PIGH: variants seen among roughly 807,000 people sequenced by gnomAD.
The protein encoded by PIGH is phosphatidylinositol N-acetylglucosaminyltransferase subunit H.
In PIGH, 11 loss-of-function variants were observed where a neutral mutation model predicts 20.1. The observed-to-expected ratio is 0.55, with a 90% CI of 0.34 to 0.91. The LOEUF (loss-of-function observed/expected upper bound fraction) is 0.91, where lower values mean the gene tolerates loss of function less well. PIGH is among the 40% of genes least tolerant of loss of function. PIGH has a pLI of 0.02. For synonymous variants in PIGH, 72 were observed against 93.1 expected (o/e 0.77, Z 1.31); for missense variants, 189 against 233.6 (o/e 0.81, Z 1.24).
chr14:67,594,068 T>A (rs1198482521), intron 1 of PIGH, 116 bp from the exon 2 acceptor site: 2 of 677,110 alleles, frequency 3.0e-6, no homozygotes, highest in East Asian at 5.4e-5. Context: ...GGTTCTAAGG[T>A]GCTATGAAAG....
At chr14:67,595,174 A>G (rs2036450591) in intron 1 of PIGH, among the ~76,000 whole-genome samples, 1 of 152,210 alleles carries the variant, frequency 6.6e-6, no homozygotes, top group South Asian at 2.1e-4. Flanking sequence ...AAGAACACTT[A>G]CATTAGCCTA....
intron 1 of PIGH, among the ~76,000 whole-genome samples, chr14:67,595,018 T>C (rs1167888759): frequency 2.0e-5 from 3 of 151,816 alleles, no homozygotes; most frequent in African/African-American, 7.3e-5. Context: ...GCACCTGTAG[T>C]CCCAGCTACT....
At chr14:67,590,729 G>C (rs921180977) in intron 3 of PIGH, among the ~76,000 whole-genome samples, 2 of 152,200 alleles carry the variant, frequency 1.3e-5, no homozygotes, top group African/African-American at 4.8e-5. Context: ...ATGGAGTTAA[G>C]AAGTTTAGGC....
chr14:67,593,978 G>T, intron 1 of PIGH, 26 bp from the exon 2 acceptor site: 1 of 1,509,278 alleles, frequency 6.6e-7, no homozygotes, highest in Admixed American at 1.8e-5. Context: ...GACACAGACA[G>T]TAAGATTACC....
At chr14:67,591,100 GATACAA>G (rs1167710914) in intron 3 of PIGH, among the ~76,000 whole-genome samples, 5 of 151,918 alleles carry the variant, frequency 3.3e-5, no homozygotes. Context: ...TATAAAAATA[GATACAA>G]ATACATAATA....
rs184592659 is a variant in PIGH at position 67,589,668 on chromosome 14, T to A, written c.*412A>T. The A allele has an allele frequency of 3.2e-3, 3,126 of 990,634 alleles. 1 individual carries two copies. The highest frequency in any genetic ancestry group is 6.7e-3 in the South Asian group (146 of 21,678). 61.4% of individuals were successfully genotyped at this position (990,634 alleles called of 1,614,324 possible). On this transcript the variant is annotated 3_prime_UTR_variant, in exon 4 of 4. Coordinates refer to ENST00000216452, the MANE Select transcript of PIGH (RefSeq NM_004569.5). The stretch of plus-strand genomic sequence containing the variant: ...CTAACCAGTACTGAAGGGCTTGTTT[T>A]TTTCGTAACTTTACACAAGGGGTAC...
At chr14:67,598,395 A>G (rs910125974) in intron 1 of PIGH, among the ~76,000 whole-genome samples, 7 of 152,216 alleles carry the variant, frequency 4.6e-5, no homozygotes, top group African/African-American at 1.4e-4. Context: ...AATGGTATAA[A>G]GGAAAAGAAA....
chr14:67,592,774 T>C, intron 2 of PIGH, 56 bp from the exon 3 acceptor site: 1 of 1,066,932 alleles, frequency 9.4e-7, no homozygotes, highest in Non-Finnish European at 1.4e-6. Flanking sequence ...TTGCATTCTT[T>C]TTTTCTTTTT....
chr14:67,595,131 C>T (rs1482101757), intron 1 of PIGH, among the ~76,000 whole-genome samples: 2 of 96,864 alleles, frequency 2.1e-5, no homozygotes, highest in African/African-American at 6.2e-5. Flanking sequence ...AGCGAGACTC[C>T]GTCTAAAAAA....
chr14:67,596,331 G>A (rs889551311), intron 1 of PIGH, among the ~76,000 whole-genome samples: 24 of 124,100 alleles, frequency 1.9e-4, no homozygotes, highest in Non-Finnish European at 2.5e-4. Context: ...AGTAGAGATG[G>A]GGTTTCACTA....
chr14:67,589,318 T>A lies in PIGH; in HGVS notation c.*762A>T, dbSNP rs555828495. On this transcript the variant is annotated 3_prime_UTR_variant, in exon 4 of 4. Coordinates refer to ENST00000216452, the MANE Select transcript of PIGH (RefSeq NM_004569.5). ...TAACTTAGAAACAAAGGATTCAATATTTGCTTATTTATTCTTTGTTAACAT... is the reference window on the plus strand; with the variant it reads ...TAACTTAGAAACAAAGGATTCAATAATTGCTTATTTATTCTTTGTTAACAT... 1.6e-5 allele frequency: 16 copies of A among 975,936 alleles called. No homozygotes were observed. The African/African-American group carries it at 2.4e-4, about 15-fold the overall frequency. The allele number at this position is 975,936 out of a possible 1,614,324, so 60.5% of individuals were successfully genotyped here.
chr14:67,594,200 T>A (rs927586377), intron 1 of PIGH, among the ~76,000 whole-genome samples: 3 of 152,182 alleles, frequency 2.0e-5, no homozygotes, highest in African/African-American at 7.2e-5. Context: ...AGGGCCTAAA[T>A]CAGCTGAACG....
intron 3 of PIGH, 104 bp downstream of exon 3, chr14:67,592,531 A>G: frequency 2.9e-6 from 2 of 680,662 alleles, no homozygotes; most frequent in East Asian, 2.7e-5. Flanking sequence ...TTATCACTCA[A>G]AACAGCTGTC....
intron 1 of PIGH, among the ~76,000 whole-genome samples, chr14:67,594,863 C>T (rs1399375926): frequency 6.6e-6 from 1 of 151,998 alleles, no homozygotes; most frequent in South Asian, 2.1e-4. Flanking sequence ...AGAACACTTA[C>T]ATTAGGCCGG....
At chr14:67,599,951 C>T in intron 1 of PIGH, 73 bp downstream of exon 1, 1 of 1,324,250 alleles carries the variant, frequency 7.6e-7, no homozygotes, top group South Asian at 1.4e-5. Flanking sequence ...CCGGGCTCGA[C>T]CAAAGACCCC....
chr14:67,592,930 C>T (rs572517984), intron 2 of PIGH, among the ~76,000 whole-genome samples: 11 of 152,148 alleles, frequency 7.2e-5, no homozygotes, highest in African/African-American at 1.4e-4. Context: ...GGATTACAGG[C>T]GCTCGCCACC....
intron 1 of PIGH, among the ~76,000 whole-genome samples, chr14:67,595,113 G>A (rs181561036): frequency 3.2e-4 from 48 of 151,484 alleles, no homozygotes; most frequent in Non-Finnish European, 3.7e-4. Context: ...CTCCAGCCTG[G>A]GTGACAGAGC....
Position 67,600,216 on chromosome 14 carries a change from C to G in PIGH, c.-13G>C. On this transcript the variant is annotated 5_prime_UTR_variant, in exon 1 of 4. Coordinates refer to ENST00000216452, the MANE Select transcript of PIGH (RefSeq NM_004569.5). ...GCTCATCCTCCATGACGCCCCCACT[C>G]GGCCGCCCGCACCGCGCGGCGCTGC... 1 of 1,557,990 alleles carries G rather than the reference C, an allele frequency of 6.4e-7. No individual in the cohort carries two copies. The highest frequency in any genetic ancestry group is 8.7e-7 in the Non-Finnish European group (1 of 1,153,338).
chr14:67,591,601 A>C (rs186213885), intron 3 of PIGH, among the ~76,000 whole-genome samples: 54 of 152,276 alleles, frequency 3.5e-4, no homozygotes, highest in Admixed American at 3.2e-3. Flanking sequence ...CCATGATCAA[A>C]GCTCACTGCA....
Sources: gnomAD v4.1 joint callset for allele counts (sites outside exome capture counted in the v4.1 genomes callset) on GRCh38, gnomAD v4.1.1 for gene constraint, MANE v1.5 for transcripts, NCBI Gene and HGNC (gene_info 2026-07-23, HGNC 2026-07-21) for gene names.